The following AUTS2 variants were observed in gnomAD, a reference collection of about 807,000 sequenced individuals.
AUTS2 encodes the protein autism susceptibility gene 2 protein.
AUTS2 carries 17 observed loss-of-function variants against 112.4 expected under a neutral mutation model. The ratio of observed to expected loss-of-function variants is 0.15; its 90% confidence interval spans 0.10 to 0.23. The LOEUF (loss-of-function observed/expected upper bound fraction) is 0.23, where lower values mean the gene tolerates loss of function less well. Ranked by LOEUF, AUTS2 falls within the 10% of genes least tolerant of loss-of-function variation. AUTS2 has a pLI of 1.00. For missense variants in AUTS2, 1,510 were observed against 1,701.6 expected (o/e 0.89, Z 1.98); for synonymous variants, 751 against 702.7 (o/e 1.07, Z -1.09).
At chr7:69,605,604 G>A (rs1470458933) in intron 1 of AUTS2, among the ~76,000 whole-genome samples, 1 of 152,204 alleles carries the variant, frequency 6.6e-6, no homozygotes, top group East Asian at 1.9e-4. Context: ...TGACATTGAT[G>A]TTAAAACAAC....
intron 5 of AUTS2, among the ~76,000 whole-genome samples, chr7:70,501,734 A>G (rs768245803): frequency 2.6e-5 from 4 of 152,124 alleles, no homozygotes; most frequent in Non-Finnish European, 5.9e-5. Flanking sequence ...CAACACAAAC[A>G]AAACCATCAA....
intron 5 of AUTS2, among the ~76,000 whole-genome samples, chr7:70,693,118 C>T (rs1281009992): frequency 4.6e-5 from 7 of 152,200 alleles, no homozygotes; most frequent in African/African-American, 1.4e-4. Flanking sequence ...AAGGAGGGAC[C>T]TTGTCAAGCT....
intron 4 of AUTS2, among the ~76,000 whole-genome samples, chr7:70,314,092 G>A (rs1447552438): frequency 6.6e-6 from 1 of 152,192 alleles, no homozygotes; most frequent in African/African-American, 2.4e-5. Flanking sequence ...GATAAGTGCA[G>A]AGCACTCTCA....
chr7:69,862,057 A>G (rs567907565), intron 1 of AUTS2, among the ~76,000 whole-genome samples: 97 of 152,320 alleles, frequency 6.4e-4, no homozygotes, highest in African/African-American at 2.1e-3. Context: ...TGCCGTGAAC[A>G]TTAAAGATGG....
At chr7:70,619,135 C>A (rs541634631) in intron 5 of AUTS2, among the ~76,000 whole-genome samples, 4 of 152,276 alleles carry the variant, frequency 2.6e-5, no homozygotes, top group South Asian at 2.1e-4. Context: ...CCTTCCCCCC[C>A]TCCCCATCCC....
At chr7:69,726,465 T>G in intron 1 of AUTS2, among the ~76,000 whole-genome samples, 1 of 152,198 alleles carries the variant, frequency 6.6e-6, no homozygotes, top group East Asian at 1.9e-4. Context: ...TTGTTTCAGA[T>G]TTTTGGCTAT....
intron 5 of AUTS2, among the ~76,000 whole-genome samples, chr7:70,673,908 T>TTAGA (rs1334050825): frequency 6.6e-6 from 1 of 152,228 alleles, no homozygotes; most frequent in African/African-American, 2.4e-5. Context: ...TGCAGGCACA[T>TTAGA]TAGATAAAGA....
chr7:70,264,029 C>T (rs1787292443), intron 4 of AUTS2, among the ~76,000 whole-genome samples: 1 of 152,184 alleles, frequency 6.6e-6, no homozygotes, highest in South Asian at 2.1e-4. Flanking sequence ...GACACGTTTA[C>T]TTGCATTGTT....
intron 5 of AUTS2, among the ~76,000 whole-genome samples, chr7:70,460,940 G>A (rs1796938171): frequency 6.6e-6 from 1 of 152,196 alleles, no homozygotes; most frequent in South Asian, 2.1e-4. Context: ...AAGAACTGGG[G>A]GATTGGGAGA....
chr7:70,374,578 A>T (rs1316039248), intron 4 of AUTS2, among the ~76,000 whole-genome samples: 2 of 152,220 alleles, frequency 1.3e-5, no homozygotes, highest in African/African-American at 4.8e-5. Flanking sequence ...ATAAGTGTTT[A>T]GGCAGGACTG....
In AUTS2 at chr7:70,631,730, G is replaced by C. The variant is rs1338481269; in HGVS notation, c.691-66839G>C. 6.6e-6 allele frequency among the ~76,000 whole-genome samples: 1 copy of C among 152,120 alleles called. No individual in the cohort carries two copies. Among genetic ancestry groups the C allele is most frequent in the Non-Finnish European group, 1.5e-5 (1 of 68,018 alleles). ...CCCCAACCTTAGCCTTTGCACGGTT[G>C]GCTGGGCCACAGCAAGGGGCTCAGC... On this transcript the variant is annotated intron_variant, in intron 5 of 18. Coordinates refer to ENST00000342771, the MANE Select transcript of AUTS2 (RefSeq NM_015570.4). This position sits in a 1 kb window ranked among gnomAD's most constrained non-coding sequence, Gnocchi z 4.5.
At chr7:70,050,301 G>C (rs1333942476) in intron 2 of AUTS2, among the ~76,000 whole-genome samples, 1 of 132,370 alleles carries the variant, frequency 7.6e-6, no homozygotes, top group Admixed American at 9.0e-5. Flanking sequence ...AGGTTGCAGT[G>C]AGCCGAGATC....
intron 2 of AUTS2, among the ~76,000 whole-genome samples, chr7:69,943,311 A>C (rs1265743489): frequency 6.6e-6 from 1 of 152,212 alleles, no homozygotes. Context: ...TTTCCTATAA[A>C]TATTAGCTTT....
chr7:70,671,381 A>G (rs775424761), intron 5 of AUTS2, among the ~76,000 whole-genome samples: 1 of 152,196 alleles, frequency 6.6e-6, no homozygotes, highest in Non-Finnish European at 1.5e-5. Flanking sequence ...AGAAAGGAAC[A>G]TTATCCCTTA....
intron 4 of AUTS2, among the ~76,000 whole-genome samples, chr7:70,155,969 G>GGTTTTGTTTT (rs536672458): frequency 6.6e-6 from 1 of 152,090 alleles, no homozygotes; most frequent in African/African-American, 2.4e-5. Context: ...GGATCCTGTT[G>GGTTTTGTTTT]GTTTTGTTTT....
rs1444208037 is a variant in AUTS2, at chr7:70,716,633, T to C, written c.742+18013T>C. ...ACCTGGGTGACAGAGCGAGACTCCG[T>C]CTCAAAAAAAAAAAAAAAAAAAAAA... On this transcript the variant is annotated intron_variant, in intron 6 of 18. Transcript: ENST00000342771. Among the ~76,000 whole-genome samples, 4 of 41,632 alleles carry C rather than the reference T, an allele frequency of 9.6e-5. No homozygotes were observed. In the East Asian group the frequency reaches 4.4e-3, roughly 45 times the overall value. 27.3% of individuals were successfully genotyped at this position (41,632 alleles called of 152,430 possible).
intron 6 of AUTS2, among the ~76,000 whole-genome samples, chr7:70,752,355 T>C (rs1190304631): frequency 6.6e-6 from 1 of 152,204 alleles, no homozygotes; most frequent in African/African-American, 2.4e-5. Flanking sequence ...GGAGATTGCA[T>C]CCTTCATACC....
At chr7:70,238,643 C>G (rs1812448612) in intron 4 of AUTS2, among the ~76,000 whole-genome samples, 1 of 151,520 alleles carries the variant, frequency 6.6e-6, no homozygotes, top group South Asian at 2.1e-4. Flanking sequence ...AGACAGTACC[C>G]CCTCTGAGTT....
intron 4 of AUTS2, among the ~76,000 whole-genome samples, chr7:70,144,355 A>G (rs1807014856): frequency 6.6e-6 from 1 of 152,118 alleles, no homozygotes; most frequent in Non-Finnish European, 1.5e-5. Flanking sequence ...TAACTTTGCA[A>G]TAGAACTAGC....
Sources: gnomAD v4.1 joint callset for allele counts (sites outside exome capture counted in the v4.1 genomes callset) on GRCh38, gnomAD v4.1.1 for gene constraint, Gnocchi (gnomAD v3.1) non-coding constraint, MANE v1.5 for transcripts, NCBI Gene and HGNC (gene_info 2026-07-23, HGNC 2026-07-21) for gene names.